The following TENM4 variants were observed in gnomAD, a reference collection of about 807,000 sequenced individuals.
TENM4 encodes the protein teneurin transmembrane protein 4.
Under a neutral mutation model 243.3 loss-of-function variants are expected in TENM4, and 82 were observed. That is an observed-to-expected ratio of 0.34 (90% CI 0.28 to 0.40). TENM4 has a LOEUF of 0.40. Among genes scored for constraint, TENM4 ranks in the 10% least tolerant of loss-of-function variants. TENM4 has a pLI of 1.00. For missense variants in TENM4, 3,138 were observed against 3,673.3 expected, an observed-to-expected ratio of 0.85 and a Z score of 3.77; for synonymous variants, 1,412 against 1,456.3, an observed-to-expected ratio of 0.97 and a Z score of 0.69.
chr11:78,843,632 G>A (rs979768921), intron 12 of TENM4, among the ~76,000 whole-genome samples: 2 of 152,126 alleles, frequency 1.3e-5, no homozygotes, highest in Non-Finnish European at 1.5e-5. Context: ...GAAAAGCCCC[G>A]AAACTAGAAT....
chr11:79,202,920 A>T (rs1863774077), intron 3 of TENM4, among the ~76,000 whole-genome samples: 1 of 152,180 alleles, frequency 6.6e-6, no homozygotes, highest in African/African-American at 2.4e-5. Flanking sequence ...CACTGTGCTA[A>T]AGGCTTTACC....
chr11:79,236,735 A>T (rs1409053334), intron 2 of TENM4, among the ~76,000 whole-genome samples: 20 of 152,138 alleles, frequency 1.3e-4, no homozygotes, highest in Admixed American at 1.3e-3. Flanking sequence ...ACAGCTGGAA[A>T]CAATATACTG....
At chr11:79,220,014 C>T (rs769681880) in intron 2 of TENM4, among the ~76,000 whole-genome samples, 9 of 152,196 alleles carry the variant, frequency 5.9e-5, no homozygotes, top group East Asian at 5.8e-4. Flanking sequence ...TCGGCTAAGC[C>T]GTGGTACCCG....
chr11:78,816,344 A>C (rs1857604306), intron 12 of TENM4, among the ~76,000 whole-genome samples: 1 of 152,240 alleles, frequency 6.6e-6, no homozygotes, highest in Admixed American at 6.5e-5. Context: ...TGGACAGATC[A>C]ACCTGGCTTT....
intron 2 of TENM4, among the ~76,000 whole-genome samples, chr11:79,216,913 G>A (rs75848350): frequency 0.027 from 4,146 of 152,288 alleles, 85 homozygotes; most frequent in Non-Finnish European, 0.043. Flanking sequence ...ACATGGGAGG[G>A]TTGGAGTCAC....
chr11:78,978,716 T>G (rs1276415299), intron 6 of TENM4, among the ~76,000 whole-genome samples: 2 of 152,168 alleles, frequency 1.3e-5, no homozygotes, highest in Non-Finnish European at 2.9e-5. Context: ...TTGAATGTTT[T>G]TGTTTCTTGT....
At chr11:78,859,275 C>G (rs1858757144) in intron 10 of TENM4, among the ~76,000 whole-genome samples, 1 of 152,126 alleles carries the variant, frequency 6.6e-6, no homozygotes, top group Non-Finnish European at 1.5e-5. Flanking sequence ...GTCAGGGTCT[C>G]AAAACATTCA....
chr11:78,766,850 G>C (rs1623681), intron 18 of TENM4, among the ~76,000 whole-genome samples: 1 of 151,684 alleles, frequency 6.6e-6, no homozygotes, highest in Admixed American at 6.6e-5. Context: ...TTACAGGTGC[G>C]CCCCACCAAG....
chr11:79,067,498 T>G (rs1271968838), intron 5 of TENM4, among the ~76,000 whole-genome samples: 2 of 152,144 alleles, frequency 1.3e-5, no homozygotes, highest in Non-Finnish European at 2.9e-5. Context: ...AAGTGAAAAA[T>G]CAAATTTATT....
At chr11:79,296,728 C>G (rs991672098) in intron 2 of TENM4, among the ~76,000 whole-genome samples, 1 of 152,144 alleles carries the variant, frequency 6.6e-6, no homozygotes, top group Non-Finnish European at 1.5e-5. Context: ...TGGCTTTGGC[C>G]CACTCTTTCA....
intron 1 of TENM4, among the ~76,000 whole-genome samples, chr11:79,310,050 A>G (rs1274784920): frequency 1.3e-5 from 2 of 152,126 alleles, no homozygotes; most frequent in Non-Finnish European, 2.9e-5. Context: ...GCCACATGGA[A>G]TTACCACTGT....
intron 2 of TENM4, among the ~76,000 whole-genome samples, chr11:79,218,080 C>A (rs747842467): frequency 3.9e-4 from 59 of 152,070 alleles, no homozygotes; most frequent in African/African-American, 5.1e-4. Context: ...CTAGAAAAAT[C>A]CTTATAAATC....
At chr11:78,877,670 C>G (rs1427370574) in intron 9 of TENM4, among the ~76,000 whole-genome samples, 1 of 152,174 alleles carries the variant, frequency 6.6e-6, no homozygotes, top group East Asian at 1.9e-4. Context: ...CCTCCAACCC[C>G]TAGGAGAGTG....
intron 1 of TENM4, among the ~76,000 whole-genome samples, chr11:79,313,287 C>T (rs1856751488): frequency 2.0e-5 from 3 of 152,170 alleles, no homozygotes; most frequent in African/African-American, 7.2e-5. Flanking sequence ...AGCAGGGCTG[C>T]AGACAAAGAC....
At chr11:79,048,793 C>A (rs1247942681) in intron 6 of TENM4, among the ~76,000 whole-genome samples, 1 of 152,142 alleles carries the variant, frequency 6.6e-6, no homozygotes, top group South Asian at 2.1e-4. Context: ...GACTCCACAA[C>A]CTTTAAGTTG....
At chr11:78,667,286 C>T (rs979390539) in intron 32 of TENM4, among the ~76,000 whole-genome samples, 1 of 152,150 alleles carries the variant, frequency 6.6e-6, no homozygotes. Flanking sequence ...GATGCCTGCT[C>T]TCAATGTGTG....
rs141069701 is a variant in TENM4 at position 79,426,295 on chromosome 11, C to T, written c.-321+14214G>A. ...ATCCCCTCCATGGCTCATGAACTTA[C>T]AACCAGCACCTCCTGGAGAGGAACA... On this transcript the variant is annotated intron_variant, in intron 1 of 33. Transcript: ENST00000278550. Among the ~76,000 whole-genome samples, 597 of 152,286 alleles carry T rather than the reference C, an allele frequency of 3.9e-3. 3 individuals carry two copies. Among genetic ancestry groups the T allele is most frequent in the Non-Finnish European group, 6.7e-3 (454 of 68,030 alleles).
At chr11:78,778,699 G>T in intron 16 of TENM4, 71 bp from the exon 17 acceptor site, 1 of 1,408,094 alleles carries the variant, frequency 7.1e-7, no homozygotes, top group Non-Finnish European at 1.0e-6. Context: ...ACATAACCAT[G>T]CCAGATGCTA....
chr11:78,753,045 T>C (rs868684511), intron 19 of TENM4, among the ~76,000 whole-genome samples: 1 of 152,222 alleles, frequency 6.6e-6, no homozygotes, highest in African/African-American at 2.4e-5. Flanking sequence ...ATCTTACAGA[T>C]GAGCAAGTTG....
Sources: gnomAD v4.1 joint callset for allele counts (sites outside exome capture counted in the v4.1 genomes callset) on GRCh38, gnomAD v4.1.1 for gene constraint, MANE v1.5 for transcripts, NCBI Gene and HGNC (gene_info 2026-07-23, HGNC 2026-07-21) for gene names.